Variants in DEPDC5 observed in about 807,000 individuals in gnomAD.
DEPDC5 encodes the protein DEP domain containing 5, GATOR1 subcomplex subunit, also known as GATOR1 complex protein DEPDC5.
DEPDC5 carries 73 observed loss-of-function variants against 217.3 expected under a neutral mutation model. The observed-to-expected ratio is 0.34, with a 90% confidence interval of 0.28 to 0.41. The LOEUF (loss-of-function observed/expected upper bound fraction) is 0.41. Among genes scored for constraint, DEPDC5 ranks in the 10% least tolerant of loss-of-function variants. The pLI is 1.00. For missense variants in DEPDC5, 1,675 were observed against 2,070.1 expected, an observed-to-expected ratio of 0.81 and a Z score of 3.70; for synonymous variants, 733 against 756.7, an observed-to-expected ratio of 0.97 and a Z score of 0.51.
At chr22:31,797,060 CT>C (rs113613358) in intron 12 of DEPDC5, among the ~76,000 whole-genome samples, 130 of 128,908 alleles carry the variant, frequency 1.0e-3, no homozygotes, top group South Asian at 1.5e-3. Flanking sequence ...CTCACTGAAT[CT>C]TTTTTTTTTT....
intron 40 of DEPDC5, among the ~76,000 whole-genome samples, chr22:31,899,930 G>A (rs2093619664): frequency 6.6e-6 from 1 of 152,178 alleles, no homozygotes; most frequent in Non-Finnish European, 1.5e-5. Flanking sequence ...TTGGTTCTCA[G>A]CAACAGCCTT....
intron 15 of DEPDC5, 47 bp from the exon 16 acceptor site, chr22:31,804,115 C>T: frequency 1.3e-6 from 2 of 1,582,990 alleles, no homozygotes; most frequent in Non-Finnish European, 1.7e-6. Flanking sequence ...GGACACTTGT[C>T]TCTGCCATTC....
chr22:31,898,680 T>C (rs986054363), intron 40 of DEPDC5, among the ~76,000 whole-genome samples: 1 of 152,234 alleles, frequency 6.6e-6, no homozygotes, highest in East Asian at 1.9e-4. Context: ...TGTGACAGGC[T>C]GCCCTCATGG....
At chr22:31,835,979 T>A (rs2090963757) in intron 25 of DEPDC5, among the ~76,000 whole-genome samples, 1 of 152,246 alleles carries the variant, frequency 6.6e-6, no homozygotes, top group Admixed American at 6.5e-5. Flanking sequence ...AGTATCCCAT[T>A]CAGAACTTAG....
At chr22:31,861,679 T>C (rs2092519888) in intron 33 of DEPDC5, among the ~76,000 whole-genome samples, 1 of 152,248 alleles carries the variant, frequency 6.6e-6, no homozygotes, top group Non-Finnish European at 1.5e-5. Flanking sequence ...TTCTCATCAC[T>C]GTCTGTTTCA....
At chr22:31,856,481 G>A (rs2092307600) in intron 31 of DEPDC5, among the ~76,000 whole-genome samples, 1 of 152,076 alleles carries the variant, frequency 6.6e-6, no homozygotes, top group Admixed American at 6.6e-5. Flanking sequence ...CAATAAAACA[G>A]TGATATATTA....
chr22:31,785,855 T>C (rs2084929733), intron 10 of DEPDC5, among the ~76,000 whole-genome samples: 1 of 152,182 alleles, frequency 6.6e-6, no homozygotes, highest in Admixed American at 6.5e-5. Context: ...AGAAAGAATA[T>C]TCTCTTCAAC....
In DEPDC5 at chr22:31,806,237, G is replaced by A. The variant is rs1479069730; in HGVS notation, c.1287+46G>A. On this transcript the variant is annotated intron_variant, in intron 18 of 42. Coordinates refer to ENST00000651528, the MANE Select transcript of DEPDC5 (RefSeq NM_001242896.3). ...AGACGGGGTCTTATTATGTGGTCCAGTCTTATCTTGAGCTCCTGGACTCAA... is the reference window on the plus strand; with the variant it reads ...AGACGGGGTCTTATTATGTGGTCCAATCTTATCTTGAGCTCCTGGACTCAA... The A allele has an allele frequency of 3.9e-6, 6 of 1,540,570 alleles. No individual in the cohort carries two copies. The African/African-American group carries it at 8.2e-5, about 21-fold the overall frequency.
chr22:31,846,724 G>A, intron 30 of DEPDC5, 110 bp from the exon 31 acceptor site: 4 of 1,510,660 alleles, frequency 2.6e-6, no homozygotes, highest in Non-Finnish European at 3.6e-6. Flanking sequence ...CCTTGACCCT[G>A]TCCATGGGAT....
At chr22:31,838,660 A>T in intron 26 of DEPDC5, 25 bp from the exon 27 acceptor site, 1 of 1,612,114 alleles carries the variant, frequency 6.2e-7, no homozygotes, top group Non-Finnish European at 8.5e-7. Context: ...AAGCATCTGT[A>T]TGAGCAATCA....
intron 10 of DEPDC5, among the ~76,000 whole-genome samples, chr22:31,790,491 C>G (rs1407522133): frequency 6.6e-6 from 1 of 152,196 alleles, no homozygotes; most frequent in Non-Finnish European, 1.5e-5. Flanking sequence ...TTTGCCTTGG[C>G]TTATACCGCT....
At position 31,860,595 on chromosome 22, in the gene DEPDC5, T is replaced by C. The variant is rs139263718; in HGVS notation, c.3265-773T>C. The stretch of plus-strand genomic sequence containing the variant: ...TGTTTCACAGACATGGCTGCTTGAA[T>C]TCCACAAGGGTAGGGTAGGGAGGGA... On this transcript the variant is annotated intron_variant, in intron 32 of 42. Coordinates refer to ENST00000651528, the MANE Select transcript of DEPDC5 (RefSeq NM_001242896.3). 6.3e-4 allele frequency among the ~76,000 whole-genome samples: 96 copies of C among 152,280 alleles called. 1 individual carries two copies. The Middle Eastern group carries it at 0.027, about 43-fold the overall frequency.
intron 7 of DEPDC5, among the ~76,000 whole-genome samples, chr22:31,773,730 A>C (rs750666460): frequency 1.3e-5 from 2 of 152,218 alleles, no homozygotes; most frequent in African/African-American, 2.4e-5. Flanking sequence ...CAAATGGTCA[A>C]ATAATTTCCC....
chr22:31,892,471 G>T (rs2093457246), intron 38 of DEPDC5, among the ~76,000 whole-genome samples: 1 of 152,138 alleles, frequency 6.6e-6, no homozygotes, highest in African/African-American at 2.4e-5. Context: ...AGCACCGGCG[G>T]TCAGGAGTTT....
At chr22:31,836,639 G>A (rs916492240) in intron 25 of DEPDC5, among the ~76,000 whole-genome samples, 2 of 152,026 alleles carry the variant, frequency 1.3e-5, no homozygotes, top group East Asian at 1.9e-4. Context: ...CTCTTGGAAC[G>A]TTGATGTGCT....
At chr22:31,864,520 A>ATATATATATATATATATATATATATT in intron 33 of DEPDC5, among the ~76,000 whole-genome samples, 1 of 133,348 alleles carries the variant, frequency 7.5e-6, no homozygotes, top group African/African-American at 2.9e-5. Context: ...ATATATATAT[A>ATATATATATATATATATATATATATT]TATATTTATA....
Position 31,824,362 on chromosome 22 carries a change from A to G in DEPDC5, c.2104+1572A>G, listed in dbSNP as rs1419299168. Among the ~76,000 whole-genome samples the G allele has an allele frequency of 2.0e-5, 3 of 152,094 alleles. No homozygotes were observed. In the South Asian group the frequency reaches 6.2e-4, roughly 32 times the overall value. On this transcript the variant is annotated intron_variant, in intron 24 of 42. Coordinates refer to ENST00000651528, the MANE Select transcript of DEPDC5 (RefSeq NM_001242896.3). ...CTTTGTCTCAAAAAGAAAAAAAAAA[A>G]GAAAGGTGTCATGAAAATGAAGTTA...
chr22:31,898,076 G>A (rs1221987541), intron 40 of DEPDC5, among the ~76,000 whole-genome samples: 1 of 152,100 alleles, frequency 6.6e-6, no homozygotes, highest in East Asian at 1.9e-4. Flanking sequence ...GGAAAGGGAG[G>A]GCATGAAAAG....
At chr22:31,888,850 C>G (rs1246356368) in intron 38 of DEPDC5, among the ~76,000 whole-genome samples, 1 of 152,214 alleles carries the variant, frequency 6.6e-6, no homozygotes, top group Admixed American at 6.5e-5. Flanking sequence ...TCGGCCCCAG[C>G]CTTTTCTTGA....
Sources: gnomAD v4.1 joint callset for allele counts (sites outside exome capture counted in the v4.1 genomes callset) on GRCh38, gnomAD v4.1.1 for gene constraint, MANE v1.5 for transcripts, NCBI Gene and HGNC (gene_info 2026-07-23, HGNC 2026-07-21) for gene names.